SSH3: variants seen among roughly 807,000 people sequenced by gnomAD.
The protein encoded by SSH3 is slingshot protein phosphatase 3.
A neutral mutation model predicts 75.0 loss-of-function variants in SSH3; 67 were observed. That is an observed-to-expected ratio of 0.89 (90% CI 0.73 to 1.10). The LOEUF is 1.10. Among genes scored for constraint, SSH3 ranks in the 50% least tolerant of loss-of-function variants. The pLI, the probability that SSH3 is intolerant of heterozygous loss-of-function variation, is 0.00. For synonymous variants in SSH3, 318 were observed against 349.2 expected, an observed-to-expected ratio of 0.91 and a Z score of 1.00; for missense variants, 824 against 872.7, an observed-to-expected ratio of 0.94 and a Z score of 0.70.
chr11:67,312,291 T>G lies in SSH3; in HGVS notation c.*404T>G. The G allele has an allele frequency of 9.8e-6, 1 of 101,542 alleles. No homozygotes were observed. Among genetic ancestry groups the G allele is most frequent in the Admixed American group, 1.7e-4 (1 of 5,738 alleles). 6.3% of individuals were successfully genotyped at this position (101,542 alleles called of 1,614,324 possible). A position where few individuals can be genotyped will look rare whatever the true frequency, so the allele number is the denominator to read the frequency against. ...ACCCCCGCCCCCTCCCTGCACCTCC[T>G]GTCCTCTCCCAGTTCATTCCTGGAA... On this transcript the variant is annotated 3_prime_UTR_variant, in exon 14 of 14. Coordinates refer to ENST00000308127, the MANE Select transcript of SSH3 (RefSeq NM_017857.4).
At position 67,303,594 on chromosome 11, in the gene SSH3, G is replaced by A. The variant is rs566914023; in HGVS notation, c.-32G>A. On this transcript the variant is annotated 5_prime_UTR_variant, in exon 1 of 14. Transcript: ENST00000308127. ...GGGGTTGAGGGAAGGGGCCGTGCCC[G>A]GTGCCAGCCCAGGTGCTCGCGGCCT... is the stretch of plus-strand genomic sequence containing the variant. 311 of 1,516,544 alleles carry A rather than the reference G, an allele frequency of 2.1e-4. No individual in the cohort carries two copies. The African/African-American group carries it at 3.9e-3, about 19-fold the overall frequency. 93.9% of individuals were successfully genotyped at this position (1,516,544 alleles called of 1,614,324 possible). A position where few individuals can be genotyped will look rare whatever the true frequency, so the allele number is the denominator to read the frequency against.
At position 67,307,762 on chromosome 11, in the gene SSH3, G is replaced by C; in HGVS notation, c.791+25G>C. ...GGTCAGTGTGTGGAGGGGAGGGACTGGGTGGAGGGGAAGGCAGGATAATGC... is the reference window on the plus strand; with the variant it reads ...GGTCAGTGTGTGGAGGGGAGGGACTCGGTGGAGGGGAAGGCAGGATAATGC... On this transcript the variant is annotated intron_variant, in intron 7 of 13. Coordinates refer to ENST00000308127, the MANE Select transcript of SSH3 (RefSeq NM_017857.4). The surrounding 1 kb of genome is among the most constrained non-coding windows in gnomAD (Gnocchi z 4.2). 1.2e-6 allele frequency: 2 copies of C among 1,613,816 alleles called. No individual in the cohort carries two copies. The highest frequency in any genetic ancestry group is 4.5e-5 in the East Asian group (2 of 44,874).
At chr11:67,310,624 C>T (rs1368589635) in intron 13 of SSH3, among the ~76,000 whole-genome samples, 2 of 152,158 alleles carry the variant, frequency 1.3e-5, no homozygotes, top group African/African-American at 4.8e-5. Context: ...CAGCTGAGAT[C>T]CAGTGAGGGC....
intron 10 of SSH3, among the ~76,000 whole-genome samples, chr11:67,309,069 C>G (rs1861337112): frequency 6.6e-6 from 1 of 152,218 alleles, no homozygotes; most frequent in African/African-American, 2.4e-5. Context: ...CCTGCTGTAG[C>G]CCCTGCCACC....
intron 13 of SSH3, among the ~76,000 whole-genome samples, chr11:67,310,639 G>A (rs1590888963): frequency 6.6e-6 from 1 of 152,234 alleles, no homozygotes; most frequent in South Asian, 2.1e-4. Context: ...GAGGGCAGGC[G>A]GAGGCACTGT....
chr11:67,309,929 T>C lies in SSH3; in HGVS notation c.1370T>C (p.Leu457Pro). 1 of 1,610,708 alleles carries C rather than the reference T, an allele frequency of 6.2e-7. No homozygotes were observed. The highest frequency in any genetic ancestry group is 8.5e-7 in the Non-Finnish European group (1 of 1,179,978). ...RPIARPNPGF[L>P]RQLQIYQGIL... is the part of the protein sequence containing the mutation. ...ATCGCCCGCCCCAACCCTGGCTTCC[T>C]GCGCCAGCTGCAGATCTACCAGGGC... Residue 457 changes from leucine to proline, a missense_variant, in exon 12 of 14, where the codon CTG (leucine) becomes CCG (proline). Coordinates refer to ENST00000308127, the MANE Select transcript of SSH3 (RefSeq NM_017857.4).
At chr11:67,306,016 G>A (rs1391228202) in intron 3 of SSH3, among the ~76,000 whole-genome samples, 3 of 151,656 alleles carry the variant, frequency 2.0e-5, no homozygotes, top group African/African-American at 4.8e-5. Context: ...CTGGCCGGGC[G>A]CGGTGGCTCA....
At chr11:67,305,755 G>GC (rs935614293) in intron 3 of SSH3, among the ~76,000 whole-genome samples, 1 of 152,136 alleles carries the variant, frequency 6.6e-6, no homozygotes, top group Non-Finnish European at 1.5e-5. Flanking sequence ...GAGGACTCCA[G>GC]CCCCACGGAG....
At chr11:67,311,235 G>T (rs544377402) in intron 13 of SSH3, among the ~76,000 whole-genome samples, 1 of 152,200 alleles carries the variant, frequency 6.6e-6, no homozygotes, top group Non-Finnish European at 1.5e-5. Flanking sequence ...GGCTGGTGCC[G>T]GCACGGGTTT....
At position 67,309,466 on chromosome 11, in the gene SSH3, T is replaced by C. The variant is rs1400696147; in HGVS notation, c.1131T>C (p.Asn377=). The change falls in exon 11 of 14, where the codon AAT becomes AAC. Residue 377 remains asparagine (N), a synonymous_variant. Coordinates refer to ENST00000308127, the MANE Select transcript of SSH3 (RefSeq NM_017857.4). ...NFYPERFTYH[N]VRLWDEESAQ... is the part of the protein sequence containing the mutation. Reference sequence around the variant, plus strand: ...ACCCTGAGCGCTTCACCTACCACAATGTGCGCCTCTGGGATGAGGAGTCGG... The same window carrying C: ...ACCCTGAGCGCTTCACCTACCACAACGTGCGCCTCTGGGATGAGGAGTCGG... 8 of 1,613,958 alleles carry C rather than the reference T, an allele frequency of 5.0e-6. No individual in the cohort carries two copies. Among genetic ancestry groups the C allele is most frequent in the East Asian group, 4.5e-5 (2 of 44,892 alleles).
Position 67,304,125 on chromosome 11 carries a change from C to T in SSH3, c.74C>T (p.Ala25Val). 1.9e-6 allele frequency: 3 copies of T among 1,596,588 alleles called. No individual in the cohort carries two copies. The highest frequency in any genetic ancestry group is 1.7e-6 in the Non-Finnish European group (2 of 1,175,872). Reference sequence around the variant, plus strand: ...GGGCTGCTCTCTCCGCAGGACCAGGCGGTCCAGCGAAGGAGTCGACTCCAG... The same window carrying T: ...GGGCTGCTCTCTCCGCAGGACCAGGTGGTCCAGCGAAGGAGTCGACTCCAG... ...ASTPVGPWDQ[A>V]VQRRSRLQRR... The change falls in exon 2 of 14, where the codon GCG becomes GTG. Residue 25 changes from alanine (A) to valine (V), a missense_variant. By Grantham distance (64) the Ala-to-Val change is moderately conservative. Coordinates refer to ENST00000308127, the MANE Select transcript of SSH3 (RefSeq NM_017857.4).
intron 2 of SSH3, 127 bp from the exon 3 acceptor site, chr11:67,304,646 C>T (rs774406766): frequency 4.3e-6 from 4 of 928,474 alleles, no homozygotes; most frequent in South Asian, 1.6e-5. Flanking sequence ...CTAGACCTAT[C>T]GACCGCGTGG....
Position 67,307,723 on chromosome 11 carries a change from C to G in SSH3, c.777C>G (p.Ser259Arg), listed in dbSNP as rs367831438. The stretch of plus-strand genomic sequence containing the variant: ...ACCTGGAGTCTCTGCGGCCTCCCAG[C>G]GCCGAGCCTGGCGGGTCAGTGTGTG... ...MADLESLRPP[S>R]AEPGGSSEQE... is the part of the protein sequence containing the mutation. Residue 259 changes from serine (S) to arginine (R), a missense_variant, in exon 7 of 14, where the codon AGC becomes AGG. Coordinates refer to ENST00000308127, the MANE Select transcript of SSH3 (RefSeq NM_017857.4). The surrounding 1 kb of genome is among the most constrained non-coding windows in gnomAD (Gnocchi z 4.2). 3 of 1,613,848 alleles carry G rather than the reference C, an allele frequency of 1.9e-6. No individual in the cohort carries two copies. In the Admixed American group the frequency reaches 5.0e-5, roughly 27 times the overall value.
rs1040931718 is a variant in SSH3 at position 67,305,825 on chromosome 11, C to T, written c.339+818C>T. On this transcript the variant is annotated intron_variant, in intron 3 of 13. Coordinates refer to ENST00000308127, the MANE Select transcript of SSH3 (RefSeq NM_017857.4). ...TCAAATACTTGTGGAGACAGCTCGC[C>T]GTCCTCAGCAAGACGTGGCAAACAA... is the stretch of plus-strand genomic sequence containing the variant. Among the ~76,000 whole-genome samples, 6 of 152,062 alleles carry T rather than the reference C, an allele frequency of 3.9e-5. No homozygotes were observed. In the East Asian group the frequency reaches 5.8e-4, roughly 15 times the overall value.
Position 67,307,353 on chromosome 11 carries a change from G to A in SSH3, c.537-18G>A. ...CAGAGCCTGGAGTCTGGCCTCACCTGTGCCTGGTCTCCTGCAGGGGCTTCA... is the reference window on the plus strand; with the variant it reads ...CAGAGCCTGGAGTCTGGCCTCACCTATGCCTGGTCTCCTGCAGGGGCTTCA... On this transcript the variant is annotated intron_variant, in intron 5 of 13. Transcript: ENST00000308127. This position sits in a 1 kb window ranked among gnomAD's most constrained non-coding sequence, Gnocchi z 4.2. 6.2e-7 allele frequency: 1 copy of A among 1,613,586 alleles called. No homozygotes were observed. The highest frequency in any genetic ancestry group is 2.2e-5 in the East Asian group (1 of 44,886).
In SSH3 at chr11:67,312,199, C is replaced by T. The variant is rs771694395; in HGVS notation, c.*312C>T. On this transcript the variant is annotated 3_prime_UTR_variant, in exon 14 of 14. Transcript: ENST00000308127. ...ACCCTAGTTTCATTCTCAACTCTAGCCCTGCACACTCACCTGTGGCACGGA... is the reference window on the plus strand; with the variant it reads ...ACCCTAGTTTCATTCTCAACTCTAGTCCTGCACACTCACCTGTGGCACGGA... The T allele has an allele frequency of 6.6e-5, 28 of 427,298 alleles. No individual in the cohort carries two copies. Among genetic ancestry groups the T allele is most frequent in the Non-Finnish European group, 1.1e-4 (26 of 237,564 alleles). The allele number at this position is 427,298 out of a possible 1,614,324, so 26.5% of individuals were successfully genotyped here.
At position 67,307,046 on chromosome 11, in the gene SSH3, C is replaced by G; in HGVS notation, c.469C>G (p.Pro157Ala). 6.2e-7 allele frequency: 1 copy of G among 1,614,050 alleles called. No individual in the cohort carries two copies. The highest frequency in any genetic ancestry group is 1.1e-5 in the South Asian group (1 of 91,084). The change falls in exon 5 of 14, where the codon CCC (proline) becomes GCC (alanine). Residue 157 changes from proline (P) to alanine (A), a missense_variant. By Grantham distance (27) the Pro-to-Ala change is conservative (BLOSUM62 -1). Coordinates refer to ENST00000308127, the MANE Select transcript of SSH3 (RefSeq NM_017857.4). The surrounding 1 kb of genome is among the most constrained non-coding windows in gnomAD (Gnocchi z 4.2). ...TTTCCCTCTGTCCCCTGCCAGCTCC[C>G]CCAGCTGCACCCTGGGCCTGGTCTT... ...LGVDFPDSSSPSCTLGLVLPL... is the reference protein window; with the variant it reads ...LGVDFPDSSSASCTLGLVLPL...
rs773809112 is a variant in SSH3, at chr11:67,307,640, T to A, written c.694T>A (p.Tyr232Asn). 1 of 1,614,036 alleles carries A rather than the reference T, an allele frequency of 6.2e-7. No homozygotes were observed. The highest frequency in any genetic ancestry group is 8.5e-7 in the Non-Finnish European group (1 of 1,180,040). Residue 232 changes from tyrosine to asparagine, a missense_variant, in exon 7 of 14, where the codon TAC (tyrosine) becomes AAC (asparagine). Coordinates refer to ENST00000308127, the MANE Select transcript of SSH3 (RefSeq NM_017857.4). The surrounding 1 kb of genome is among the most constrained non-coding windows in gnomAD (Gnocchi z 4.2). Reference sequence around the variant, plus strand: ...CAGTGCCCTCACCTGGGCCAGCCACTACCAGGAGAGACTGAACTCCGAACA... The same window carrying A: ...CAGTGCCCTCACCTGGGCCAGCCACAACCAGGAGAGACTGAACTCCGAACA... ...GGSALTWASH[Y>N]QERLNSEQSC...
chr11:67,304,719 G>A (rs993592005), intron 2 of SSH3, 54 bp from the exon 3 acceptor site: 13 of 1,522,644 alleles, frequency 8.5e-6, no homozygotes, highest in Middle Eastern at 1.7e-4. Context: ...GACTTTGAGA[G>A]CCCCTACCCT....
Sources: allele counts gnomAD v4.1 joint callset (sites outside exome capture counted in the v4.1 genomes callset), GRCh38; gene constraint gnomAD v4.1.1; non-coding constraint Gnocchi (gnomAD v3.1); transcripts MANE v1.5; gene names NCBI Gene and HGNC (gene_info 2026-07-23, HGNC 2026-07-21).